TTC6: variants seen among roughly 807,000 people sequenced by gnomAD.
The protein encoded by TTC6 is tetratricopeptide repeat domain 6.
Under a neutral mutation model 210.4 loss-of-function variants are expected in TTC6, and 172 were observed. The observed-to-expected ratio is 0.82, with a 90% confidence interval of 0.72 to 0.93. The LOEUF (loss-of-function observed/expected upper bound fraction) is 0.93, where lower values mean the gene tolerates loss of function less well. TTC6 is among the 40% of genes least tolerant of loss of function. The pLI, the probability that TTC6 is intolerant of heterozygous loss-of-function variation, is 0.00. For synonymous variants in TTC6, 804 were observed against 819.6 expected, an observed-to-expected ratio of 0.98 and a Z score of 0.32; for missense variants, 2,414 against 2,318.1, an observed-to-expected ratio of 1.04 and a Z score of -0.85.
chr14:37,822,408 G>A (rs1325152438), intron 26 of TTC6, among the ~76,000 whole-genome samples: 1 of 152,116 alleles, frequency 6.6e-6, no homozygotes, highest in Non-Finnish European at 1.5e-5. Context: ...ATAATTTCTG[G>A]AACAGTTTAT....
At chr14:37,832,516 A>G (rs1042654013) in intron 29 of TTC6, among the ~76,000 whole-genome samples, 1 of 150,892 alleles carries the variant, frequency 6.6e-6, no homozygotes, top group African/African-American at 2.4e-5. Context: ...TTGTGTTTCC[A>G]TTTTCATTTG....
At chr14:37,638,581 T>C (rs1339004276) in intron 1 of TTC6, among the ~76,000 whole-genome samples, 2 of 148,814 alleles carry the variant, frequency 1.3e-5, no homozygotes, top group African/African-American at 5.0e-5. Flanking sequence ...AATGACAAAA[T>C]TACAGGAATG....
exon 22 of TTC6, chr14:37,806,445 C>T: frequency 6.5e-7 from 1 of 1,535,636 alleles, no homozygotes; most frequent in South Asian, 1.2e-5. Flanking sequence ...TAAAGTGAAA[C>T]TCCACAAGGA....
chr14:37,742,003 T>C (rs1319471774), intron 10 of TTC6, among the ~76,000 whole-genome samples: 1 of 152,172 alleles, frequency 6.6e-6, no homozygotes, highest in Non-Finnish European at 1.5e-5. Context: ...AGTGACCTCT[T>C]CCTATTGATG....
chr14:37,615,060 A>T (rs962585945), intron 2 of TTC6, among the ~76,000 whole-genome samples: 1 of 152,164 alleles, frequency 6.6e-6, no homozygotes, highest in East Asian at 1.9e-4. Context: ...GTTGACATTT[A>T]AAAAAAATCT....
At chr14:37,696,738 C>G in exon 4 of TTC6, 1 of 1,460,160 alleles carries the variant, frequency 6.8e-7, no homozygotes. Flanking sequence ...AGAATTCTTG[C>G]AAATCGAAGG....
upstream of TTC6, among the ~76,000 whole-genome samples, chr14:37,619,330 T>C (rs982615503): frequency 6.6e-6 from 1 of 152,152 alleles, no homozygotes; most frequent in Admixed American, 6.5e-5. Context: ...AATACGACTA[T>C]ATTTGGGGGA....
intron 14 of TTC6, 78 bp downstream of exon 16, chr14:37,753,313 A>C (rs201271650): frequency 2.1e-4 from 265 of 1,236,908 alleles, no homozygotes; most frequent in East Asian, 6.4e-4. Flanking sequence ...AATTGCTTGA[A>C]ATACATCAGA....
chr14:37,638,371 C>T (rs2139372592), intron 1 of TTC6, among the ~76,000 whole-genome samples: 1 of 152,216 alleles, frequency 6.6e-6, no homozygotes, highest in East Asian at 1.9e-4. Flanking sequence ...TTTCCTGCCT[C>T]AGCCTCCCAA....
chr14:37,700,747 TCA>T (rs1284615499), intron 4 of TTC6, among the ~76,000 whole-genome samples: 1 of 29,010 alleles, frequency 3.4e-5, no homozygotes, highest in African/African-American at 1.2e-4. Flanking sequence ...AGACTCCATC[TCA>T]CAAAAAAAAA....
At position 37,610,256 on chromosome 14, in the gene TTC6, G is replaced by A. The variant is rs117841252; in HGVS notation, c.-155+3514G>A. 1.9e-3 allele frequency among the ~76,000 whole-genome samples: 292 copies of A among 152,336 alleles called. 6 individuals carry two copies. In the East Asian group the frequency reaches 0.044, roughly 23 times the overall value. ...CCCGCTCTAGGGAACTGTGGAGCAC[G>A]AGACTTTTATCGTGAACTTCTGAGA... is the stretch of plus-strand genomic sequence containing the variant. On this transcript the variant is annotated intron_variant, in intron 2 of 2. Coordinates refer to the TTC6 transcript ENST00000556845.
At chr14:37,832,329 C>CTTTTTTT (rs58133834) in intron 29 of TTC6, among the ~76,000 whole-genome samples, 4 of 68,914 alleles carry the variant, frequency 5.8e-5, no homozygotes, top group African/African-American at 2.2e-4. Flanking sequence ...TTCTTTCTCT[C>CTTTTTTT]TTTTTTTTTT....
intron 7 of TTC6, among the ~76,000 whole-genome samples, chr14:37,725,327 T>TAC (rs1213628640): frequency 3.3e-5 from 3 of 90,598 alleles, no homozygotes; most frequent in Admixed American, 1.1e-4. Context: ...TATATATATA[T>TAC]ATATATATAT....
At chr14:37,657,556 C>T (rs1595069321) in intron 1 of TTC6, among the ~76,000 whole-genome samples, 1 of 151,838 alleles carries the variant, frequency 6.6e-6, no homozygotes. Context: ...GAACAATCTA[C>T]AAAGAAAAAT....
intron 1 of TTC6, among the ~76,000 whole-genome samples, chr14:37,660,229 T>A (rs1270549708): frequency 6.6e-6 from 1 of 152,060 alleles, no homozygotes; most frequent in Non-Finnish European, 1.5e-5. Context: ...GTTTTTTTTT[T>A]AATTTTAATT....
intron 24 of TTC6, among the ~76,000 whole-genome samples, chr14:37,809,274 A>G (rs1484170702): frequency 2.4e-5 from 3 of 124,658 alleles, no homozygotes; most frequent in East Asian, 4.4e-4. Context: ...TTTTTTTGAG[A>G]CGGAGACTCA....
chr14:37,842,106 A>AT (rs1385468514), intron 30 of TTC6, 49 bp from the exon 33 acceptor site: 2 of 1,427,298 alleles, frequency 1.4e-6, no homozygotes, highest in South Asian at 1.7e-5. Context: ...AAAAGAGACT[A>AT]TTTTTTGAGT....
upstream of TTC6, among the ~76,000 whole-genome samples, chr14:37,595,685 C>T (rs1813255001): frequency 6.6e-6 from 1 of 152,132 alleles, no homozygotes; most frequent in Non-Finnish European, 1.5e-5. Flanking sequence ...TGTGGGATAA[C>T]TGACCCCGGG....
intron 5 of TTC6, among the ~76,000 whole-genome samples, chr14:37,712,025 G>A (rs559512684): frequency 3.0e-4 from 46 of 152,126 alleles, no homozygotes; most frequent in African/African-American, 1.0e-3. Context: ...GGGAAAATCC[G>A]GATAAAAATT....
Sources: gnomAD v4.1 joint callset for allele counts (sites outside exome capture counted in the v4.1 genomes callset) on GRCh38, gnomAD v4.1.1 for gene constraint, MANE v1.5 for transcripts, NCBI Gene and HGNC (gene_info 2026-07-23, HGNC 2026-07-21) for gene names.